The following CDH23 variants were observed in gnomAD, a reference collection of about 807,000 sequenced individuals.
CDH23 encodes the protein cadherin-23.
Under a neutral mutation model 317.1 loss-of-function variants are expected in CDH23, and 189 were observed. The ratio of observed to expected loss-of-function variants is 0.60; its 90% CI spans 0.53 to 0.67. The LOEUF (loss-of-function observed/expected upper bound fraction) is 0.67. Ranked by LOEUF, CDH23 falls within the 30% of genes least tolerant of loss-of-function variation. The pLI is 0.00. For missense variants in CDH23, 4,401 were observed against 4,592.4 expected (o/e 0.96, Z 1.20); for synonymous variants, 1,839 against 1,876.8 (o/e 0.98, Z 0.52).
chr10:71,536,199 G>C lies in CDH23; in HGVS notation c.429+24987G>C, dbSNP rs76551973. ...AGGGTTACTCCATGGAGAGCAGGCT[G>C]TAGGTGCTGACAGGCCTCTGTGGAA... On this transcript the variant is annotated intron_variant, in intron 6 of 69. Transcript: ENST00000224721. Among the ~76,000 whole-genome samples, 143 of 152,404 alleles carry C rather than the reference G, an allele frequency of 9.4e-4. 2 individuals are homozygous for C. The East Asian group carries it at 0.024, about 26-fold the overall frequency.
chr10:71,760,147 GTGTGTATATA>G (rs202202583), intron 38 of CDH23, among the ~76,000 whole-genome samples: 15,490 of 30,756 alleles, frequency 0.5, 6,001 homozygotes, highest in Middle Eastern at 0.84. Context: ...ACATATATAT[GTGTGTATATA>G]TATGTATATA....
chr10:71,465,000 A>G (rs1348009458), intron 3 of CDH23, among the ~76,000 whole-genome samples: 1 of 152,258 alleles, frequency 6.6e-6, no homozygotes, highest in Non-Finnish European at 1.5e-5. Flanking sequence ...ATGAAGACAC[A>G]GTGATTCTAT....
At chr10:71,691,070 A>C (rs1306434332) in intron 20 of CDH23, among the ~76,000 whole-genome samples, 1 of 152,160 alleles carries the variant, frequency 6.6e-6, no homozygotes, top group Non-Finnish European at 1.5e-5. Context: ...CTGGCACACG[A>C]AAAGTGCTAA....
intron 49 of CDH23, among the ~76,000 whole-genome samples, chr10:71,797,483 G>A (rs1215495491): frequency 6.6e-6 from 1 of 152,200 alleles, no homozygotes; most frequent in Admixed American, 6.5e-5. Flanking sequence ...CTGAGAGTAG[G>A]AAGGAGGCTT....
chr10:71,755,447 C>G (rs1840114648), intron 38 of CDH23: 1 of 1,612,454 alleles, frequency 6.2e-7, no homozygotes, highest in Non-Finnish European at 8.5e-7. Flanking sequence ...CACCCGTAGC[C>G]AGGGCTGCAG....
At chr10:71,659,026 T>C (rs1191532001) in intron 14 of CDH23, among the ~76,000 whole-genome samples, 2 of 152,198 alleles carry the variant, frequency 1.3e-5, no homozygotes, top group African/African-American at 4.8e-5. Flanking sequence ...CAACAACACC[T>C]GAGTGTTCCT....
intron 14 of CDH23, among the ~76,000 whole-genome samples, chr10:71,656,890 C>T (rs1038413050): frequency 6.1e-4 from 93 of 152,116 alleles, no homozygotes; most frequent in African/African-American, 2.1e-3. Flanking sequence ...TGGATCTCCT[C>T]GATGCTCCTC....
chr10:71,709,154 G>C lies in CDH23; in HGVS notation c.3163G>C (p.Val1055Leu). The C allele has an allele frequency of 6.2e-7, 1 of 1,613,990 alleles. No individual in the cohort carries two copies. Among genetic ancestry groups the C allele is most frequent in the East Asian group, 2.2e-5 (1 of 44,890 alleles). The change falls in exon 27 of 70, where the codon GTG becomes CTG. Residue 1055 changes from valine (V) to leucine (L), a missense_variant. Transcript: ENST00000224721. ...TTACCGCGATGCCGTTGTGAGAACCGTGGTGGGCCTGGACCGGGAGACCAC... is the reference window on the plus strand; with the variant it reads ...TTACCGCGATGCCGTTGTGAGAACCCTGGTGGGCCTGGACCGGGAGACCAC... ...VGYRDAVVRT[V>L]VGLDRETTAA...
chr10:71,494,356 G>A (rs1229771194), intron 3 of CDH23, among the ~76,000 whole-genome samples: 2 of 152,144 alleles, frequency 1.3e-5, no homozygotes, highest in Non-Finnish European at 2.9e-5. Flanking sequence ...TGTAGGATGT[G>A]ACTCCAGCAG....
intron 9 of CDH23, among the ~76,000 whole-genome samples, chr10:71,614,510 G>C (rs147354708): frequency 1.3e-5 from 2 of 152,256 alleles, no homozygotes; most frequent in Non-Finnish European, 2.9e-5. Flanking sequence ...TGTGCCCAGC[G>C]TTGGCCAGGT....
Position 71,539,451 on chromosome 10 carries a change from T to TTC in CDH23, c.430-27279_430-27278dup, listed in dbSNP as rs931480502. The stretch of plus-strand genomic sequence containing the variant: ...GGACCACTTGCTTTTCTCTCTCTCT[T>TTC]TCTCTCTCTCTCTGGTCTTTCTTTC... On this transcript the variant is annotated intron_variant, in intron 6 of 69. Coordinates refer to ENST00000224721, the MANE Select transcript of CDH23 (RefSeq NM_022124.6). 4.6e-5 allele frequency among the ~76,000 whole-genome samples: 7 copies of TTC among 151,664 alleles called. No homozygotes were observed. In the South Asian group the frequency reaches 8.3e-4, roughly 18 times the overall value.
chr10:71,454,052 T>A (rs1235375142), intron 3 of CDH23, among the ~76,000 whole-genome samples: 1 of 152,202 alleles, frequency 6.6e-6, no homozygotes, highest in South Asian at 2.1e-4. Context: ...TGTCCACCTT[T>A]GCCTTCACCC....
chr10:71,746,650 G>C (rs1010881682), intron 38 of CDH23, among the ~76,000 whole-genome samples: 1 of 152,218 alleles, frequency 6.6e-6, no homozygotes, highest in Non-Finnish European at 1.5e-5. Flanking sequence ...GAAGGTAACT[G>C]GGAGGTCAGG....
At position 71,802,923 on chromosome 10, in the gene CDH23, A is replaced by G. The variant is rs1294193852; in HGVS notation, c.7508A>G (p.Asn2503Ser). ...VQVVIQVLDV[N>S]DCRPQFSKPQ... ...GTGGTGATCCAAGTGCTGGATGTCAATGACTGCCGGCCACAGTTCTCCAAG... is the reference window on the plus strand; with the variant it reads ...GTGGTGATCCAAGTGCTGGATGTCAGTGACTGCCGGCCACAGTTCTCCAAG... The change falls in exon 54 of 70, where the codon AAT becomes AGT. Residue 2503 changes from asparagine (N) to serine (S), a missense_variant. Physicochemically the swap from Asn to Ser is conservative, Grantham distance 46. Around this residue, in one of 3 missense-constraint regions of CDH23, gnomAD observed 189 missense variants for 250.9 expected, o/e 0.75. Transcript: ENST00000224721. 1 of 1,613,960 alleles carries G rather than the reference A, an allele frequency of 6.2e-7. No homozygotes were observed. The highest frequency in any genetic ancestry group is 1.7e-5 in the Admixed American group (1 of 60,022).
rs1045308382 is a variant in CDH23, at chr10:71,430,046, A to G, written c.-5-9781A>G. On this transcript the variant is annotated intron_variant, in intron 1 of 69. Coordinates refer to ENST00000224721, the MANE Select transcript of CDH23 (RefSeq NM_022124.6). Reference sequence around the variant, plus strand: ...TGAAAGGTGGAGCTAGGGATGCTCCAGGTGGAGGGAGCCACAGGGTCAGGG... The same window carrying G: ...TGAAAGGTGGAGCTAGGGATGCTCCGGGTGGAGGGAGCCACAGGGTCAGGG... 2.6e-5 allele frequency among the ~76,000 whole-genome samples: 4 copies of G among 152,328 alleles called. No individual in the cohort carries two copies. The South Asian group carries it at 8.3e-4, about 32-fold the overall frequency.
intron 38 of CDH23, chr10:71,761,607 C>A (rs777637150): frequency 1.3e-6 from 2 of 1,589,732 alleles, no homozygotes; most frequent in Non-Finnish European, 1.7e-6. Flanking sequence ...CCTGTCTGCA[C>A]CTGCAGCTCC....
intron 3 of CDH23, among the ~76,000 whole-genome samples, chr10:71,459,085 CT>C (rs372627407): frequency 0.039 from 3,993 of 102,472 alleles, 198 homozygotes; most frequent in African/African-American, 0.13. Flanking sequence ...CACACCTGGC[CT>C]TTTTTTTTTT....
intron 22 of CDH23, among the ~76,000 whole-genome samples, chr10:71,697,094 G>T (rs1865418908): frequency 6.6e-6 from 1 of 152,238 alleles, no homozygotes; most frequent in South Asian, 2.1e-4. Context: ...GGCTGCACAG[G>T]ACACCAGCCT....
intron 3 of CDH23, among the ~76,000 whole-genome samples, chr10:71,507,598 C>T (rs919774802): frequency 1.3e-5 from 2 of 152,152 alleles, no homozygotes; most frequent in Admixed American, 1.3e-4. Flanking sequence ...GAGGCTGAGG[C>T]AGGAGAAGCA....
Sources: allele counts gnomAD v4.1 joint callset (sites outside exome capture counted in the v4.1 genomes callset), GRCh38; gene constraint gnomAD v4.1.1; regional missense constraint gnomAD v4.1.1; transcripts MANE v1.5; gene names NCBI Gene and HGNC (gene_info 2026-07-23, HGNC 2026-07-21).